The following TPM4 variants were observed in gnomAD, a reference collection of about 807,000 sequenced individuals.
TPM4 encodes tropomyosin alpha-4 chain.
Under a neutral mutation model 35.8 loss-of-function variants are expected in TPM4, and 17 were observed. That is an observed-to-expected ratio of 0.47 (90% CI 0.32 to 0.71). The LOEUF (loss-of-function observed/expected upper bound fraction) is 0.71. Among genes scored for constraint, TPM4 ranks in the 30% least tolerant of loss-of-function variants. TPM4 has a pLI of 0.03. For synonymous variants in TPM4, 120 were observed against 122.9 expected, an observed-to-expected ratio of 0.98 and a Z score of 0.15; for missense variants, 240 against 320.9, an observed-to-expected ratio of 0.75 and a Z score of 1.93.
intron 5 of TPM4, among the ~76,000 whole-genome samples, chr19:16,090,740 G>A (rs952657196): frequency 2.6e-5 from 4 of 151,922 alleles, no homozygotes; most frequent in African/African-American, 9.7e-5. Context: ...TAAGTTGTAA[G>A]GACAGGAACC....
intron 5 of TPM4, among the ~76,000 whole-genome samples, chr19:16,091,573 G>A (rs1464025567): frequency 2.0e-5 from 3 of 152,168 alleles, no homozygotes; most frequent in East Asian, 1.9e-4. Flanking sequence ...TCAGAAGTTC[G>A]AGACCAGCCT....
chr19:16,083,020 G>A (rs988437879), intron 2 of TPM4, among the ~76,000 whole-genome samples: 2 of 146,562 alleles, frequency 1.4e-5, no homozygotes, highest in Non-Finnish European at 3.0e-5. Flanking sequence ...AAAAAGCAGA[G>A]TACTGTGGAG....
rs2090410767 is a variant in TPM4 at position 16,076,672 on chromosome 19, A to G, written c.107A>G (p.Asp36Gly). 2 of 1,391,768 alleles carry G rather than the reference A, an allele frequency of 1.4e-6. No individual in the cohort carries two copies. Among genetic ancestry groups the G allele is most frequent in the African/African-American group, 1.5e-5 (1 of 65,790 alleles). The allele number at this position is 1,391,768 out of a possible 1,614,324, so 86.2% of individuals were successfully genotyped here. The change falls in exon 1 of 8, where the codon GAC (aspartate) becomes GGC (glycine). Residue 36 changes from aspartate (D) to glycine (G), a missense_variant. By Grantham distance (94) the Asp-to-Gly change is moderately conservative. Coordinates refer to ENST00000643579, the MANE Select transcript of TPM4 (RefSeq NM_003290.3). ...GCGCAGGGCCTGCAGCGGGAGCTGG[A>G]CGGCGAGCGCGAGCGGCGCGAGAAA... The part of the protein sequence containing the change: ...DRAQGLQREL[D>G]GERERREKAE...
rs1465017416 is a variant in TPM4, at chr19:16,080,839, C to T, written c.133-1074C>T. 27 of 391,414 alleles carry T rather than the reference C, an allele frequency of 6.9e-5. No homozygotes were observed. The Admixed American group carries it at 1.2e-3, about 17-fold the overall frequency. The allele number at this position is 391,414 out of a possible 1,614,324, so 24.2% of individuals were successfully genotyped here. A position where few individuals can be genotyped will look rare whatever the true frequency, so the allele number is the denominator to read the frequency against. Reference sequence around the variant, plus strand: ...AAAAATTAAAAAGAAAATGACAAAGCGGGGATTCCAGCCCAGCACTTTTTG... The same window carrying T: ...AAAAATTAAAAAGAAAATGACAAAGTGGGGATTCCAGCCCAGCACTTTTTG... On this transcript the variant is annotated intron_variant, in intron 1 of 7. Coordinates refer to ENST00000643579, the MANE Select transcript of TPM4 (RefSeq NM_003290.3).
At chr19:16,075,827 A>C, upstream of TPM4, 2 of 659,414 alleles carry the variant, frequency 3.0e-6, no homozygotes, top group Admixed American at 7.1e-5. Flanking sequence ...ATAAGCCCAA[A>C]ACAGCTGGTC....
upstream of TPM4, chr19:16,076,342 C>T: frequency 6.8e-7 from 1 of 1,477,740 alleles, no homozygotes; most frequent in Non-Finnish European, 8.9e-7. Flanking sequence ...CAGCTGTGGC[C>T]AGCGGTGCCG....
chr19:16,093,512 G>A (rs1474187180), intron 5 of TPM4, 24 bp from the exon 6 acceptor site: 1 of 1,613,556 alleles, frequency 6.2e-7, no homozygotes, highest in Non-Finnish European at 8.5e-7. Flanking sequence ...TTTTCTTAAA[G>A]CAGTGTTTTG....
At chr19:16,080,768 C>T (rs1254498980) in intron 1 of TPM4, 4 of 330,190 alleles carry the variant, frequency 1.2e-5, no homozygotes, top group Non-Finnish European at 2.2e-5. Context: ...GAGATCATGC[C>T]ATTGCACTCC....
intron 1 of TPM4, among the ~76,000 whole-genome samples, chr19:16,078,862 G>C: frequency 6.8e-6 from 1 of 147,880 alleles, no homozygotes; most frequent in Non-Finnish European, 1.5e-5. Context: ...TTTCACTCTT[G>C]TAGAATAAGC....
At position 16,101,328 on chromosome 19, in the gene TPM4, C is replaced by T. The variant is rs964247072; in HGVS notation, c.729C>T (p.Asn243=). The T allele has an allele frequency of 1.6e-5, 26 of 1,603,436 alleles. No homozygotes were observed. The highest frequency in any genetic ancestry group is 5.4e-5 in the African/African-American group (4 of 74,236). The change falls in exon 8 of 8, where the codon AAC becomes AAT. Residue 243 remains asparagine, a synonymous_variant. Transcript: ENST00000643579. Reference sequence around the variant, plus strand: ...ATCAGACACTGGATCAGACACTAAACGAACTTAACTGTATATAAGCAAAAC... The same window carrying T: ...ATCAGACACTGGATCAGACACTAAATGAACTTAACTGTATATAAGCAAAAC... ...GLHQTLDQTL[N]ELNCI is the part of the protein sequence containing the mutation.
At chr19:16,077,574 T>G (rs2144920451) in intron 1 of TPM4, among the ~76,000 whole-genome samples, 1 of 152,292 alleles carries the variant, frequency 6.6e-6, no homozygotes, top group South Asian at 2.1e-4. Context: ...TGGGGACAGA[T>G]TTGGATTCTG....
At chr19:16,096,250 G>A (rs1342113741) in intron 7 of TPM4, among the ~76,000 whole-genome samples, 1 of 152,130 alleles carries the variant, frequency 6.6e-6, no homozygotes, top group Non-Finnish European at 1.5e-5. Flanking sequence ...TTTTGTAGAA[G>A]CGGGAGGGTT....
intron 7 of TPM4, among the ~76,000 whole-genome samples, chr19:16,094,233 TAATA>T (rs936134682): frequency 3.3e-5 from 5 of 151,998 alleles, no homozygotes; most frequent in Non-Finnish European, 7.4e-5. Context: ...AAAATATTAA[TAATA>T]AATTAAAAAT....
chr19:16,098,816 T>A (rs1441133257), intron 7 of TPM4, among the ~76,000 whole-genome samples: 1 of 151,936 alleles, frequency 6.6e-6, no homozygotes, highest in Non-Finnish European at 1.5e-5. Flanking sequence ...AAAAATTTTT[T>A]AATAAAATAA....
intron 2 of TPM4, among the ~76,000 whole-genome samples, chr19:16,069,401 ATGAG>A (rs1368972528): frequency 3.4e-4 from 6 of 17,804 alleles, no homozygotes; most frequent in African/African-American, 9.7e-4. Context: ...GTGTGTGTGT[ATGAG>A]TGTGTGTTTC....
chr19:16,096,936 C>CTTTTTTTCTTTTTT (rs2090705707), intron 7 of TPM4, among the ~76,000 whole-genome samples: 1 of 69,050 alleles, frequency 1.4e-5, no homozygotes, highest in African/African-American at 5.6e-5. Context: ...CAAGGTCACT[C>CTTTTTTTCTTTTTT]TTTTTTTTTT....
At chr19:16,092,625 T>C (rs914379431) in intron 5 of TPM4, among the ~76,000 whole-genome samples, 1 of 151,358 alleles carries the variant, frequency 6.6e-6, no homozygotes, top group Admixed American at 6.6e-5. Context: ...AGCCTCCACC[T>C]CCTGGGTTTA....
At chr19:16,087,943 G>C in intron 3 of TPM4, 84 bp from the exon 4 acceptor site, 16 of 1,417,382 alleles carry the variant, frequency 1.1e-5, no homozygotes, top group Non-Finnish European at 1.6e-5. Flanking sequence ...TCTGGGTGGG[G>C]CATCATTGGG....
rs532179207 is a variant in TPM4 at position 16,078,310 on chromosome 19, G to C, written c.132+1613G>C. Among the ~76,000 whole-genome samples the C allele has an allele frequency of 3.3e-5, 5 of 152,270 alleles. No homozygotes were observed. The East Asian group carries it at 5.8e-4, about 18-fold the overall frequency. ...AAGAAAGTTGTATGATGAGGGTGGG[G>C]GGGTGTGCGGATAGAGGTTGAAGCC... On this transcript the variant is annotated intron_variant, in intron 1 of 7. Coordinates refer to ENST00000643579, the MANE Select transcript of TPM4 (RefSeq NM_003290.3).
Sources: gnomAD v4.1 joint callset for allele counts (sites outside exome capture counted in the v4.1 genomes callset) on GRCh38, gnomAD v4.1.1 for gene constraint, MANE v1.5 for transcripts, NCBI Gene and HGNC (gene_info 2026-07-23, HGNC 2026-07-21) for gene names.